The following SPMIP2 variants were observed in gnomAD, a reference collection of about 807,000 sequenced individuals.
SPMIP2 encodes the protein protein SPMIP2.
the SPMIP2 span, chr4:158,893,816 T>C: frequency 1.3e-6 from 1 of 763,146 alleles, no homozygotes; most frequent in Admixed American, 2.6e-5. Flanking sequence ...CTTGTCACAG[T>C]TGATATCTTG....
chr4:159,022,284 T>A, the SPMIP2 span, among the ~76,000 whole-genome samples: 22 of 152,262 alleles, frequency 1.4e-4, no homozygotes, highest in Admixed American at 1.4e-3. Context: ...CTGTCACCAG[T>A]GCCGTCATTC....
At chr4:158,948,295 T>TG in the SPMIP2 span, among the ~76,000 whole-genome samples, 1 of 152,182 alleles carries the variant, frequency 6.6e-6, no homozygotes, top group African/African-American at 2.4e-5. Flanking sequence ...AGCTGCCTCT[T>TG]GGGGGGAAAA....
chr4:158,978,164 A>C, the SPMIP2 span, among the ~76,000 whole-genome samples: 3 of 152,042 alleles, frequency 2.0e-5, no homozygotes, highest in African/African-American at 7.2e-5. Flanking sequence ...TTCTGCCTTC[A>C]TTTCGTTATT....
At chr4:158,915,363 G>GAATA in the SPMIP2 span, 1 of 1,604,886 alleles carries the variant, frequency 6.2e-7, no homozygotes, top group Non-Finnish European at 8.5e-7. Flanking sequence ...TGGTTGCCTG[G>GAATA]AATAGGAACA....
At chr4:158,991,144 T>C in the SPMIP2 span, among the ~76,000 whole-genome samples, 1 of 152,190 alleles carries the variant, frequency 6.6e-6, no homozygotes, top group South Asian at 2.1e-4. Context: ...TGGTACTTAC[T>C]GATGAAAAAC....
At chr4:158,949,053 A>C in the SPMIP2 span, among the ~76,000 whole-genome samples, 1 of 151,414 alleles carries the variant, frequency 6.6e-6, no homozygotes, top group Non-Finnish European at 1.5e-5. Flanking sequence ...CTTCTTTTTC[A>C]TCTCAGACTT....
the SPMIP2 span, among the ~76,000 whole-genome samples, chr4:159,050,797 T>TAA: frequency 0.01 from 1,524 of 146,704 alleles, 36 homozygotes; most frequent in African/African-American, 0.035. Flanking sequence ...ACTCATCCGT[T>TAA]AAAAAAAAAA....
the SPMIP2 span, chr4:158,895,954 A>T: frequency 1.1e-6 from 1 of 934,556 alleles, no homozygotes; most frequent in East Asian, 2.6e-5. Flanking sequence ...GTCACCCTAA[A>T]CCTCAGGCCC....
At chr4:158,896,604 G>A in the SPMIP2 span, among the ~76,000 whole-genome samples, 2 of 152,082 alleles carry the variant, frequency 1.3e-5, no homozygotes, top group Non-Finnish European at 2.9e-5. Flanking sequence ...AAGAGACTGG[G>A]GCCTTTGTGT....
the SPMIP2 span, among the ~76,000 whole-genome samples, chr4:158,896,946 T>C: frequency 6.6e-6 from 1 of 152,040 alleles, no homozygotes; most frequent in Non-Finnish European, 1.5e-5. Flanking sequence ...GCTGCACCCA[T>C]CAACCCGTCA....
At chr4:158,919,142 G>C in the SPMIP2 span, among the ~76,000 whole-genome samples, 1 of 152,156 alleles carries the variant, frequency 6.6e-6, no homozygotes, top group Non-Finnish European at 1.5e-5. Context: ...TCATCCCCAA[G>C]TACGTAAGTG....
the SPMIP2 span, among the ~76,000 whole-genome samples, chr4:158,999,057 G>A: frequency 2.0e-5 from 3 of 151,950 alleles, no homozygotes; most frequent in East Asian, 5.8e-4. Context: ...CCAGCTACTT[G>A]AGAGGTTGAG....
the SPMIP2 span, among the ~76,000 whole-genome samples, chr4:159,044,277 G>C: frequency 6.7e-6 from 1 of 150,316 alleles, no homozygotes; most frequent in Non-Finnish European, 1.5e-5. Flanking sequence ...GCTGAGGCAG[G>C]AGAATTGCTT....
chr4:158,977,210 G>A, the SPMIP2 span, among the ~76,000 whole-genome samples: 2 of 152,172 alleles, frequency 1.3e-5, no homozygotes, highest in Non-Finnish European at 2.9e-5. Flanking sequence ...GAATTCGGCT[G>A]TGAATCTGTC....
chr4:158,895,284 T>C, the SPMIP2 span, among the ~76,000 whole-genome samples: 2 of 152,162 alleles, frequency 1.3e-5, no homozygotes, highest in Non-Finnish European at 2.9e-5. Context: ...CAGAATAATC[T>C]GAGCTATTGG....
At chr4:158,932,487 T>C in the SPMIP2 span, among the ~76,000 whole-genome samples, 4 of 152,108 alleles carry the variant, frequency 2.6e-5, no homozygotes, top group African/African-American at 4.8e-5. Context: ...CATACATACA[T>C]ACATACAGAA....
chr4:158,896,006 C>A, the SPMIP2 span: 1 of 619,912 alleles, frequency 1.6e-6, no homozygotes. Context: ...AGATACGTGC[C>A]TCTGCAACTC....
chr4:158,939,452 G>A, the SPMIP2 span, among the ~76,000 whole-genome samples: 2 of 150,844 alleles, frequency 1.3e-5, no homozygotes, highest in African/African-American at 2.5e-5. Flanking sequence ...TCGAAAATAT[G>A]AAAATTCTTT....
chr4:158,965,170 A>T, the SPMIP2 span, among the ~76,000 whole-genome samples: 2 of 152,090 alleles, frequency 1.3e-5, no homozygotes, highest in Non-Finnish European at 2.9e-5. Flanking sequence ...ACAAAGGTAA[A>T]TTTTTTAATT....
Sources: gnomAD v4.1 joint callset for allele counts (sites outside exome capture counted in the v4.1 genomes callset) on GRCh38, gnomAD v4.1.1 for gene constraint, MANE v1.5 for transcripts, NCBI Gene and HGNC (gene_info 2026-07-23, HGNC 2026-07-21) for gene names.